The following MSI1 variants were observed in gnomAD, a reference collection of about 807,000 sequenced individuals.
MSI1 encodes the protein RNA-binding protein Musashi homolog 1.
Under a neutral mutation model 54.4 loss-of-function variants are expected in MSI1, and 15 were observed. That is an observed-to-expected ratio of 0.28 (90% CI 0.18 to 0.42). The LOEUF (loss-of-function observed/expected upper bound fraction) is 0.42. Among genes scored for constraint, MSI1 ranks in the 20% least tolerant of loss-of-function variants. The pLI is 1.00. For synonymous variants in MSI1, 200 were observed against 196.5 expected (o/e 1.02, Z -0.15); for missense variants, 304 against 506.0 (o/e 0.60, Z 3.83).
chr12:120,365,946 C>T (rs573678323), intron 4 of MSI1, among the ~76,000 whole-genome samples: 22 of 152,306 alleles, frequency 1.4e-4, no homozygotes, highest in African/African-American at 5.3e-4. Flanking sequence ...AACTGCCCTT[C>T]ATTGCACAAA....
At chr12:120,361,814 G>A (rs1875675166) in intron 6 of MSI1, among the ~76,000 whole-genome samples, 1 of 151,630 alleles carries the variant, frequency 6.6e-6, no homozygotes, top group Non-Finnish European at 1.5e-5. Context: ...TGGCCTCCCC[G>A]GGCCGGTTTC....
Position 120,346,203 on chromosome 12 carries a change from A to C in MSI1, c.979T>G (p.Ser327Ala). ...GCGCTGATGTAACTGCTGACCCCCGAGTCCTGGTTGGCCGCCCCGTAGAGC... is the reference window on the plus strand; with the variant it reads ...GCGCTGATGTAACTGCTGACCCCCGCGTCCTGGTTGGCCGCCCCGTAGAGC... The part of the protein sequence containing the change: ...AELYGAANQD[S>A]GVSSYISAAS... The change falls in exon 13 of 15, where the codon TCG becomes GCG. Residue 327 changes from serine (S) to alanine (A), a missense_variant. Physicochemically the swap from Ser to Ala is moderately conservative, Grantham distance 99 (BLOSUM62 1). Coordinates refer to ENST00000257552, the MANE Select transcript of MSI1 (RefSeq NM_002442.4). 3.1e-6 allele frequency: 5 copies of C among 1,600,290 alleles called. No homozygotes were observed. Among genetic ancestry groups the C allele is most frequent in the Non-Finnish European group, 4.3e-6 (5 of 1,174,140 alleles).
At chr12:120,359,325 G>A (rs1179446) in intron 6 of MSI1, among the ~76,000 whole-genome samples, 110,954 of 151,928 alleles carry the variant, frequency 0.73, 40,778 homozygotes, top group South Asian at 0.79. Flanking sequence ...AGATAAGAAA[G>A]TAGGCTCAGA....
rs751373632 is a variant in MSI1, at chr12:120,357,786, C to T, written c.534+30G>A. On this transcript the variant is annotated intron_variant, in intron 8 of 14. Transcript: ENST00000257552. The stretch of plus-strand genomic sequence containing the variant: ...CTCCCCAAAGTGCTTGGCTTACAGG[C>T]GTGAGCCACTGCGCCCGGACCCAAC... The T allele has an allele frequency of 6.3e-5, 101 of 1,606,618 alleles. 1 individual carries two copies. The Middle Eastern group carries it at 8.2e-4, about 13-fold the overall frequency.
At chr12:120,363,260 G>A in intron 5 of MSI1, 125 bp from the exon 6 acceptor site, 1 of 628,812 alleles carries the variant, frequency 1.6e-6, no homozygotes, top group Admixed American at 3.0e-5. Flanking sequence ...CCTCTTTAAA[G>A]GCCCCCCCCC....
chr12:120,363,776 T>C (rs2136982458), intron 5 of MSI1, among the ~76,000 whole-genome samples: 1 of 152,340 alleles, frequency 6.6e-6, no homozygotes. Context: ...TCAGGCCCTC[T>C]ACTGGACCCT....
chr12:120,347,414 C>T (rs1874222417), intron 12 of MSI1, 32 bp downstream of exon 12: 2 of 1,613,540 alleles, frequency 1.2e-6, no homozygotes, highest in Non-Finnish European at 1.7e-6. Context: ...TGTGCTCCCT[C>T]ATCTCTCTTC....
At chr12:120,366,077 A>T (rs2136989701) in intron 4 of MSI1, among the ~76,000 whole-genome samples, 1 of 152,334 alleles carries the variant, frequency 6.6e-6, no homozygotes, top group Admixed American at 6.5e-5. Flanking sequence ...AGCAAAAGAC[A>T]GGGCATGAGA....
intron 12 of MSI1, 117 bp downstream of exon 12, chr12:120,347,329 T>G: frequency 1.7e-6 from 2 of 1,204,966 alleles, no homozygotes; most frequent in Non-Finnish European, 2.4e-6. Context: ...AGGTGATACT[T>G]GAGTGAATGA....
rs1409019358 is a variant in MSI1, at chr12:120,368,497, G to C, written c.101-224C>G. On this transcript the variant is annotated intron_variant, in intron 2 of 14. Coordinates refer to ENST00000257552, the MANE Select transcript of MSI1 (RefSeq NM_002442.4). This position sits in a 1 kb window ranked among gnomAD's most constrained non-coding sequence, Gnocchi z 6.6. ...CGAGGGCCGAGCTGGGCTGGAAGGGGGACGGCTCCGGCCGGGTTCCCGCCG... is the reference window on the plus strand; with the variant it reads ...CGAGGGCCGAGCTGGGCTGGAAGGGCGACGGCTCCGGCCGGGTTCCCGCCG... Among the ~76,000 whole-genome samples, 1 of 152,050 alleles carries C rather than the reference G, an allele frequency of 6.6e-6. No individual in the cohort carries two copies. Among genetic ancestry groups the C allele is most frequent in the African/African-American group, 2.4e-5 (1 of 41,440 alleles).
chr12:120,345,001 C>T lies in MSI1; in HGVS notation c.*21+569G>A, dbSNP rs139087837. Among the ~76,000 whole-genome samples the T allele has an allele frequency of 1.7e-3, 252 of 151,848 alleles. 1 individual carries two copies. Among genetic ancestry groups the T allele is most frequent in the Non-Finnish European group, 2.6e-3 (174 of 67,938 alleles). ...CTGCACTCCAGCCTGGGTGACAGAG[C>T]GAGACTCCATCTACAAAAATAAAAT... On this transcript the variant is annotated intron_variant, in intron 14 of 14. Transcript: ENST00000257552.
chr12:120,360,491 C>T (rs985479147), intron 6 of MSI1, among the ~76,000 whole-genome samples: 3 of 152,318 alleles, frequency 2.0e-5, no homozygotes, highest in African/African-American at 4.8e-5. Context: ...CTGGGGCCCA[C>T]GCAACAGAGT....
Position 120,341,752 on chromosome 12 carries a change from A to G in MSI1, c.*1375T>C, listed in dbSNP as rs1226741523. On this transcript the variant is annotated 3_prime_UTR_variant, in exon 15 of 15. Transcript: ENST00000257552. ...CTGATAGGTTAAGCACCTCACACAG[A>G]CAATTAACTCTCCAAAGGTGGGGTT... is the stretch of plus-strand genomic sequence containing the variant. The G allele has an allele frequency of 6.6e-6, 1 of 151,988 alleles. No homozygotes were observed. The highest frequency in any genetic ancestry group is 1.5e-5 in the Non-Finnish European group (1 of 67,990). The allele number at this position is 151,988 out of a possible 1,614,324, so 9.4% of individuals were successfully genotyped here.
At chr12:120,363,171 G>T in intron 5 of MSI1, 36 bp from the exon 6 acceptor site, 1 of 1,587,048 alleles carries the variant, frequency 6.3e-7, no homozygotes. Flanking sequence ...GGGCATCTGA[G>T]TCCTGTGGCC....
intron 4 of MSI1, among the ~76,000 whole-genome samples, chr12:120,367,432 G>C (rs1426432492): frequency 3.9e-5 from 6 of 152,160 alleles, no homozygotes; most frequent in African/African-American, 9.7e-5. Flanking sequence ...TCTTCCGAAG[G>C]GTCGTTTCCA....
At chr12:120,358,782 G>A (rs149764198) in intron 7 of MSI1, among the ~76,000 whole-genome samples, 1 of 151,966 alleles carries the variant, frequency 6.6e-6, no homozygotes, top group Non-Finnish European at 1.5e-5. Flanking sequence ...TGCAGGGACT[G>A]GGGGGGTGGG....
chr12:120,367,998 G>A lies in MSI1; in HGVS notation c.267+10C>T, dbSNP rs1386140221. On this transcript the variant is annotated intron_variant, in intron 4 of 14. Transcript: ENST00000257552. ...CCCAAAGGACCCCCGAAGCCCCGAGGGCCACTCACTGTTTTGGAGTCGAGC... is the reference window on the plus strand; with the variant it reads ...CCCAAAGGACCCCCGAAGCCCCGAGAGCCACTCACTGTTTTGGAGTCGAGC... 4 of 1,607,354 alleles carry A rather than the reference G, an allele frequency of 2.5e-6. No homozygotes were observed. The highest frequency in any genetic ancestry group is 3.4e-6 in the Non-Finnish European group (4 of 1,176,872).
Position 120,368,112 on chromosome 12 carries a change from A to G in MSI1, c.183-20T>C. 6.2e-7 allele frequency: 1 copy of G among 1,612,180 alleles called. No homozygotes were observed. The highest frequency in any genetic ancestry group is 8.5e-7 in the Non-Finnish European group (1 of 1,179,210). ...AAACCCCTGCGCGCCGTAGTGAGGG[A>G]GAGGCAGATGGTTACAAGGCAGTGA... is the stretch of plus-strand genomic sequence containing the variant. On this transcript the variant is annotated intron_variant, in intron 3 of 14. Coordinates refer to ENST00000257552, the MANE Select transcript of MSI1 (RefSeq NM_002442.4). The surrounding 1 kb of genome is among the most constrained non-coding windows in gnomAD (Gnocchi z 6.6).
chr12:120,345,784 C>G (rs1440444183), intron 13 of MSI1, 152 bp from the exon 14 acceptor site: 1 of 890,132 alleles, frequency 1.1e-6, no homozygotes, highest in Non-Finnish European at 1.8e-6. Context: ...ACCCGGATCA[C>G]CCCCCACTGC....
Sources: gnomAD v4.1 joint callset for allele counts (sites outside exome capture counted in the v4.1 genomes callset) on GRCh38, gnomAD v4.1.1 for gene constraint, Gnocchi (gnomAD v3.1) non-coding constraint, MANE v1.5 for transcripts, NCBI Gene and HGNC (gene_info 2026-07-23, HGNC 2026-07-21) for gene names.